TNS1: variants seen among roughly 807,000 people sequenced by gnomAD.
The protein encoded by TNS1 is tensin 1.
Under a neutral mutation model 168.6 loss-of-function variants are expected in TNS1, and 62 were observed. That is an observed-to-expected ratio of 0.37 (90% confidence interval 0.30 to 0.45). The LOEUF (loss-of-function observed/expected upper bound fraction) is 0.45. Among genes scored for constraint, TNS1 ranks in the 20% least tolerant of loss-of-function variants. The pLI is 1.00. For missense variants in TNS1, 2,240 were observed against 2,339.4 expected, an observed-to-expected ratio of 0.96 and a Z score of 0.88; for synonymous variants, 934 against 933.2, an observed-to-expected ratio of 1.00 and a Z score of -0.02.
chr2:218,031,127 T>TGC (rs1491576037), intron 1 of TNS1, among the ~76,000 whole-genome samples: 1 of 78,920 alleles, frequency 1.3e-5, no homozygotes, highest in Non-Finnish European at 2.2e-5. Flanking sequence ...TGAGCATGTC[T>TGC]GTGTGTGTGT....
At chr2:217,977,031 A>G (rs1233675037) in intron 3 of TNS1, among the ~76,000 whole-genome samples, 1 of 152,200 alleles carries the variant, frequency 6.6e-6, no homozygotes, top group Non-Finnish European at 1.5e-5. Flanking sequence ...CTTTTGGCCA[A>G]TGTTTTATGC....
Position 217,835,158 on chromosome 2 carries a change from C to A in TNS1, c.3213G>T (p.Leu1071Phe), listed in dbSNP as rs760223263. Residue 1071 changes from leucine (L) to phenylalanine (F), a missense_variant, in exon 21 of 33, where the codon TTG becomes TTT. By Grantham distance (22) the Leu-to-Phe change is conservative (BLOSUM62 0). Transcript: ENST00000682258. ...CCTCGAAGGCCTCCTTGTAGCTGTG[C>A]AAATGGGGCTGTGGGAGAACACAGG... ...NPGGRPKEPH[L>F]HSYKEAFEEM... The A allele has an allele frequency of 1.3e-6, 2 of 1,599,872 alleles. No individual in the cohort carries two copies. Among genetic ancestry groups the A allele is most frequent in the East Asian group, 2.3e-5 (1 of 43,530 alleles).
chr2:217,828,248 CT>C (rs2125252736), intron 22 of TNS1, among the ~76,000 whole-genome samples: 1 of 152,326 alleles, frequency 6.6e-6, no homozygotes, highest in Non-Finnish European at 1.5e-5. Context: ...TCTGCAGCCC[CT>C]GAGCAGCCTG....
intron 1 of TNS1, among the ~76,000 whole-genome samples, chr2:218,030,922 TGA>T (rs1202165676): frequency 2.0e-5 from 3 of 152,122 alleles, no homozygotes; most frequent in Non-Finnish European, 4.4e-5. Context: ...AGCATGGGTA[TGA>T]GTGTGTGAGC....
At position 218,022,006 on chromosome 2, in the gene TNS1, C is replaced by T. The variant is rs542814636; in HGVS notation, c.156+11814G>A. ...TGAGGTGGGAGAAATCTGGGGAAGG[C>T]TGAAATACCGGGAGGGCAGAGGGTG... On this transcript the variant is annotated intron_variant, in intron 1 of 1. Coordinates refer to the TNS1 transcript ENST00000649572. Among the ~76,000 whole-genome samples the T allele has an allele frequency of 3.2e-4, 48 of 152,058 alleles. 1 individual carries two copies. In the South Asian group the frequency reaches 9.8e-3, roughly 31 times the overall value.
chr2:217,885,646 A>T, intron 15 of TNS1, 98 bp downstream of exon 15: 2 of 1,272,208 alleles, frequency 1.6e-6, no homozygotes, highest in South Asian at 1.3e-5. Flanking sequence ...GCAGCCCAGG[A>T]GGAGTACCTG....
chr2:217,904,032 G>A (rs1284127142), intron 6 of TNS1, among the ~76,000 whole-genome samples: 1 of 152,212 alleles, frequency 6.6e-6, no homozygotes, highest in Non-Finnish European at 1.5e-5. Flanking sequence ...GTTGGGAGGA[G>A]GGTCTGTAAG....
intron 19 of TNS1, among the ~76,000 whole-genome samples, chr2:217,840,160 C>T (rs1039566919): frequency 6.6e-6 from 1 of 152,236 alleles, no homozygotes; most frequent in African/African-American, 2.4e-5. Flanking sequence ...TGGGAATCAA[C>T]AGTTCCCATT....
Position 218,002,939 on chromosome 2 carries a change from G to A in TNS1, c.-67C>T, listed in dbSNP as rs1183456290. ...AAGAGCCCCTGAAGCTAGAGTCCCC[G>A]CGGCGCTGGCAGAAGGGCTCTCTGA... On this transcript the variant is annotated 5_prime_UTR_variant, in exon 1 of 33. Coordinates refer to ENST00000682258, the MANE Select transcript of TNS1 (RefSeq NM_001387777.1). The A allele has an allele frequency of 8.8e-6, 4 of 456,264 alleles. No individual in the cohort carries two copies. Among genetic ancestry groups the A allele is most frequent in the Non-Finnish European group, 1.3e-5 (3 of 226,902 alleles). 28.3% of individuals were successfully genotyped at this position (456,264 alleles called of 1,614,324 possible).
chr2:217,835,318 G>A (rs1052994369), intron 20 of TNS1, 152 bp from the exon 21 acceptor site: 1 of 666,816 alleles, frequency 1.5e-6, no homozygotes, highest in East Asian at 3.1e-5. Context: ...CAGGAGACAG[G>A]TCCTGCCACA....
chr2:217,849,764 C>G (rs1947208768), intron 18 of TNS1: 1 of 985,454 alleles, frequency 1.0e-6, no homozygotes, highest in Middle Eastern at 5.2e-4. Flanking sequence ...ATAGAGGTAT[C>G]AGCATGGACG....
chr2:217,918,515 G>A (rs1450331784), intron 4 of TNS1, among the ~76,000 whole-genome samples: 1 of 152,194 alleles, frequency 6.6e-6, no homozygotes, highest in Non-Finnish European at 1.5e-5. Flanking sequence ...AGTCTCTTCT[G>A]GATTCTAACT....
chr2:218,024,168 G>A (rs1392396752), intron 1 of TNS1, among the ~76,000 whole-genome samples: 1 of 152,190 alleles, frequency 6.6e-6, no homozygotes, highest in Non-Finnish European at 1.5e-5. Context: ...GAGGTGGTAA[G>A]AAAGGACTCC....
At chr2:217,845,719 A>G (rs2125407916) in intron 19 of TNS1, among the ~76,000 whole-genome samples, 1 of 152,310 alleles carries the variant, frequency 6.6e-6, no homozygotes, top group East Asian at 1.9e-4. Flanking sequence ...AGCCTTCGAA[A>G]GCTGGTAGGA....
chr2:217,810,478 T>G (rs1187800137), intron 28 of TNS1, among the ~76,000 whole-genome samples, 159 bp from the exon 29 acceptor site: 6 of 152,210 alleles, frequency 3.9e-5, no homozygotes, highest in Non-Finnish European at 7.3e-5. Flanking sequence ...GTCTGAACGT[T>G]TGATGATTGC....
intron 1 of TNS1, among the ~76,000 whole-genome samples, chr2:218,016,460 C>A (rs1958761106): frequency 6.6e-6 from 1 of 152,202 alleles, no homozygotes; most frequent in African/African-American, 2.4e-5. Flanking sequence ...CCTCTCTCCC[C>A]TTGGATCATC....
intron 6 of TNS1, 71 bp downstream of exon 6, chr2:217,906,264 C>A: frequency 1.5e-6 from 1 of 666,138 alleles, no homozygotes; most frequent in Non-Finnish European, 2.8e-6. Flanking sequence ...CATTATCCAC[C>A]TCCCACCCCA....
intron 6 of TNS1, among the ~76,000 whole-genome samples, chr2:217,904,607 C>T (rs1228668634): frequency 1.3e-5 from 2 of 152,242 alleles, no homozygotes; most frequent in African/African-American, 4.8e-5. Context: ...CCCCGACACA[C>T]AGGCACAGAC....
At chr2:217,852,248 G>T (rs1559239964) in intron 18 of TNS1, among the ~76,000 whole-genome samples, 2 of 152,192 alleles carry the variant, frequency 1.3e-5, no homozygotes, top group Non-Finnish European at 1.5e-5. Flanking sequence ...CTTGAGGATG[G>T]GGCCCCTTGG....
Sources: gnomAD v4.1 joint callset for allele counts (sites outside exome capture counted in the v4.1 genomes callset) on GRCh38, gnomAD v4.1.1 for gene constraint, MANE v1.5 for transcripts, NCBI Gene and HGNC (gene_info 2026-07-23, HGNC 2026-07-21) for gene names.